Variants in RXRA observed in about 807,000 individuals in gnomAD.
RXRA encodes the protein retinoic acid receptor RXR-alpha.
In RXRA, 5 loss-of-function variants were observed where a neutral mutation model predicts 44.5. That is an observed-to-expected ratio of 0.11 (90% CI 0.06 to 0.24). The LOEUF (loss-of-function observed/expected upper bound fraction) is 0.24, where lower values mean the gene tolerates loss of function less well. RXRA is among the 10% of genes least tolerant of loss of function. RXRA has a pLI of 1.00. For synonymous variants in RXRA, 291 were observed against 271.4 expected (o/e 1.07, Z -0.71); for missense variants, 412 against 646.5 (o/e 0.64, Z 3.93).
intron 6 of RXRA, among the ~76,000 whole-genome samples, chr9:134,427,894 A>G (rs921403202): frequency 6.6e-6 from 1 of 152,228 alleles, no homozygotes; most frequent in African/African-American, 2.4e-5. Context: ...TAGAGCGCTC[A>G]GGGAGTGTGG....
In RXRA at chr9:134,366,430, C is replaced by T. The variant is rs1830415560; in HGVS notation, c.29-35202C>T. Among the ~76,000 whole-genome samples the T allele has an allele frequency of 6.6e-6, 1 of 152,202 alleles. No homozygotes were observed. The highest frequency in any genetic ancestry group is 6.5e-5 in the Admixed American group (1 of 15,280). ...GCGGGGCTGCTCCAGTCTCTTACACCAGCGCATCTGCAACTCATTACACAG... is the reference window on the plus strand; with the variant it reads ...GCGGGGCTGCTCCAGTCTCTTACACTAGCGCATCTGCAACTCATTACACAG... On this transcript the variant is annotated intron_variant, in intron 1 of 9. Transcript: ENST00000481739. This position sits in a 1 kb window ranked among gnomAD's most constrained non-coding sequence, Gnocchi z 5.9.
At chr9:134,359,537 G>A (rs903629263) in intron 1 of RXRA, among the ~76,000 whole-genome samples, 1 of 152,160 alleles carries the variant, frequency 6.6e-6, no homozygotes, top group African/African-American at 2.4e-5. Flanking sequence ...CTGTGGCTTT[G>A]CCTGCTTGGA....
rs1830778368 is a variant in RXRA, at chr9:134,390,116, G to A, written c.29-11516G>A. On this transcript the variant is annotated intron_variant, in intron 1 of 9. Coordinates refer to ENST00000481739, the MANE Select transcript of RXRA (RefSeq NM_002957.6). ...GAGCCTGCGCTTGCCTGCATTCCCCGGCAGGATTTTTCTCTCGGCCTCCTG... is the reference window on the plus strand; with the variant it reads ...GAGCCTGCGCTTGCCTGCATTCCCCAGCAGGATTTTTCTCTCGGCCTCCTG... Among the ~76,000 whole-genome samples, 7 of 152,156 alleles carry A rather than the reference G, an allele frequency of 4.6e-5. No individual in the cohort carries two copies. In the South Asian group the frequency reaches 1.0e-3, roughly 22 times the overall value.
intron 1 of RXRA, 32 bp from the exon 2 acceptor site, chr9:134,401,600 T>A: frequency 6.2e-7 from 1 of 1,611,954 alleles, no homozygotes; most frequent in South Asian, 1.1e-5. Context: ...TCACCTGCAC[T>A]GACCACTCTC....
chr9:134,358,614 T>C (rs1474708944), intron 1 of RXRA, among the ~76,000 whole-genome samples: 1 of 152,194 alleles, frequency 6.6e-6, no homozygotes, highest in Non-Finnish European at 1.5e-5. Flanking sequence ...CTTTCCAGGC[T>C]CCTGTTTGGA....
chr9:134,354,133 G>A (rs1238284708), intron 1 of RXRA, among the ~76,000 whole-genome samples: 1 of 152,202 alleles, frequency 6.6e-6, no homozygotes, highest in Non-Finnish European at 1.5e-5. Flanking sequence ...CTGACGGATG[G>A]GATGGGGTGC....
At chr9:134,396,891 A>G (rs925359662) in intron 1 of RXRA, among the ~76,000 whole-genome samples, 2 of 152,178 alleles carry the variant, frequency 1.3e-5, no homozygotes, top group South Asian at 4.1e-4. Flanking sequence ...TTCCAAAGGG[A>G]TGTGGGGATT....
At chr9:134,394,851 G>A (rs1161369931) in intron 1 of RXRA, among the ~76,000 whole-genome samples, 4 of 152,196 alleles carry the variant, frequency 2.6e-5, no homozygotes, top group Non-Finnish European at 5.9e-5. Context: ...CAATGTCAGG[G>A]GGCCCCATGG....
chr9:134,388,122 C>G (rs998364607), intron 1 of RXRA, among the ~76,000 whole-genome samples: 1 of 151,056 alleles, frequency 6.6e-6, no homozygotes, highest in African/African-American at 2.4e-5. Context: ...TCCAGGTCAG[C>G]TTTCTTGATG....
At chr9:134,422,606 G>A (rs1364521246) in intron 6 of RXRA, 2 of 873,352 alleles carry the variant, frequency 2.3e-6, no homozygotes, top group Admixed American at 7.8e-5. Flanking sequence ...CCCGCTCCCA[G>A]GACGCTCCCC....
chr9:134,432,236 T>C (rs12336953), intron 8 of RXRA, among the ~76,000 whole-genome samples: 4,142 of 152,304 alleles, frequency 0.027, 202 homozygotes, highest in African/African-American at 0.095. Context: ...GCAGTTGTCA[T>C]GAGGGGCTTG....
chr9:134,350,259 GC>G (rs1462931278), intron 1 of RXRA, among the ~76,000 whole-genome samples: 3 of 152,178 alleles, frequency 2.0e-5, no homozygotes, highest in Non-Finnish European at 4.4e-5. Flanking sequence ...AGCCAGTGGG[GC>G]TGGGGCCGCG....
rs1320055286 is a variant in RXRA at position 134,407,685 on chromosome 9, C to T, written c.280-464C>T. On this transcript the variant is annotated intron_variant, in intron 2 of 9. Transcript: ENST00000481739. The surrounding 1 kb of genome is among the most constrained non-coding windows in gnomAD (Gnocchi z 4.8). The stretch of plus-strand genomic sequence containing the variant: ...GTGTGGTTCTTGGGGGGGTCCCCAG[C>T]CCTCCTCCGTCCTGGGAACTGGGCT... 1.3e-5 allele frequency among the ~76,000 whole-genome samples: 2 copies of T among 152,088 alleles called. No individual in the cohort carries two copies. Among genetic ancestry groups the T allele is most frequent in the Admixed American group, 1.3e-4 (2 of 15,284 alleles).
chr9:134,359,396 G>A (rs920023870), intron 1 of RXRA, among the ~76,000 whole-genome samples: 2 of 152,054 alleles, frequency 1.3e-5, no homozygotes, highest in Admixed American at 1.3e-4. Flanking sequence ...GTGTGCCCCA[G>A]CCCACCTCCC....
chr9:134,330,148 A>T (rs542712480), intron 1 of RXRA, among the ~76,000 whole-genome samples: 76 of 152,108 alleles, frequency 5.0e-4, no homozygotes, highest in South Asian at 1.7e-3. Flanking sequence ...TCTGGAGAAG[A>T]GGGCACAGCT....
intron 1 of RXRA, among the ~76,000 whole-genome samples, chr9:134,332,199 G>T (rs1554746738): frequency 1.3e-5 from 2 of 152,204 alleles, no homozygotes; most frequent in Non-Finnish European, 2.9e-5. Context: ...GCCCAGCCTG[G>T]AACTGTGGCT....
chr9:134,404,863 T>A (rs2119148984), intron 2 of RXRA: 1 of 150,726 alleles, frequency 6.6e-6, no homozygotes, highest in East Asian at 2.0e-4. Context: ...GAAGGAAGGG[T>A]GTGGTGGGTG....
chr9:134,340,541 C>T (rs1261797038), intron 1 of RXRA, among the ~76,000 whole-genome samples: 2 of 152,152 alleles, frequency 1.3e-5, no homozygotes, highest in Non-Finnish European at 2.9e-5. Context: ...CACTGCCTGC[C>T]CTCTGGCCTA....
Position 134,436,821 on chromosome 9 carries a change from T to A in RXRA, c.*207T>A, listed in dbSNP as rs868039786. On this transcript the variant is annotated 3_prime_UTR_variant, in exon 10 of 10. Coordinates refer to ENST00000481739, the MANE Select transcript of RXRA (RefSeq NM_002957.6). ...TGTCTGTGGCCCAGGGCAGTGGCTT[T>A]CCTGAGGCAGCAGCCTTCGTGGCAA... The A allele has an allele frequency of 4.9e-6, 3 of 606,808 alleles. No individual in the cohort carries two copies. Among genetic ancestry groups the A allele is most frequent in the Non-Finnish European group, 8.4e-6 (3 of 355,854 alleles). The allele number at this position is 606,808 out of a possible 1,614,324, so 37.6% of individuals were successfully genotyped here.
Sources: gnomAD v4.1 joint callset for allele counts (sites outside exome capture counted in the v4.1 genomes callset) on GRCh38, gnomAD v4.1.1 for gene constraint, Gnocchi (gnomAD v3.1) non-coding constraint, MANE v1.5 for transcripts, NCBI Gene and HGNC (gene_info 2026-07-23, HGNC 2026-07-21) for gene names.